GASK1B: variants seen among roughly 807,000 people sequenced by gnomAD.
GASK1B encodes the protein Golgi-associated kinase 1B.
In GASK1B, 34 loss-of-function variants were observed where a neutral mutation model predicts 42.8. The ratio of observed to expected loss-of-function variants is 0.79; its 90% CI spans 0.60 to 1.06. GASK1B has a LOEUF of 1.06. Among genes scored for constraint, GASK1B ranks in the 50% least tolerant of loss-of-function variants. The probability of loss-of-function intolerance (pLI) is 0.00; values close to 1 mark genes in which losing one functional copy is unlikely to be tolerated. For synonymous variants in GASK1B, 262 were observed against 259.1 expected (o/e 1.01, Z -0.11); for missense variants, 686 against 661.0 (o/e 1.04, Z -0.42).
At chr4:158,128,398 G>C (rs1466452670) in intron 4 of GASK1B, among the ~76,000 whole-genome samples, 3 of 152,090 alleles carry the variant, frequency 2.0e-5, no homozygotes, top group Non-Finnish European at 4.4e-5. Flanking sequence ...AGAAAGCCAG[G>C]AGTCCAGCAT....
rs753398139 is a variant in GASK1B at position 158,171,153 on chromosome 4, C to G, written c.223G>C (p.Asp75His). The change falls in exon 2 of 5, where the codon GAC (aspartate) becomes CAC (histidine). Residue 75 changes from aspartate to histidine, a missense_variant. Asp to His is a moderately conservative substitution (Grantham distance 81). Transcript: ENST00000585682. ...AAEKGPHRSR[D>H]TAEPSFPEIP... ...TCAGGGAAGGATGGCTCGGCGGTGTCGCGGCTGCGATGTGGCCCCTTCTCA... is the reference window on the plus strand; with the variant it reads ...TCAGGGAAGGATGGCTCGGCGGTGTGGCGGCTGCGATGTGGCCCCTTCTCA... 1.2e-6 allele frequency: 2 copies of G among 1,607,842 alleles called. No homozygotes were observed. Among genetic ancestry groups the G allele is most frequent in the Non-Finnish European group, 8.5e-7 (1 of 1,175,536 alleles).
In GASK1B at chr4:158,171,147, C is replaced by G. The variant is rs767227601; in HGVS notation, c.229G>C (p.Ala77Pro). 3 of 1,607,598 alleles carry G rather than the reference C, an allele frequency of 1.9e-6. No homozygotes were observed. Among genetic ancestry groups the G allele is most frequent in the Non-Finnish European group, 2.6e-6 (3 of 1,175,402 alleles). ...EKGPHRSRDTAEPSFPEIPLD... is the reference protein window; with the variant it reads ...EKGPHRSRDTPEPSFPEIPLD... ...GGTATCTCAGGGAAGGATGGCTCGG[C>G]GGTGTCGCGGCTGCGATGTGGCCCC... The change falls in exon 2 of 5, where the codon GCC (alanine) becomes CCC (proline). Residue 77 changes from alanine to proline, a missense_variant. Transcript: ENST00000585682.
At chr4:158,170,264 A>T in intron 2 of GASK1B, 1 of 1,614,258 alleles carries the variant, frequency 6.2e-7, no homozygotes, top group Non-Finnish European at 8.5e-7. Context: ...TGTCCAATAC[A>T]GCATTTCCCT....
In GASK1B at chr4:158,170,694, C is replaced by G; in HGVS notation, c.682G>C (p.Ala228Pro). Residue 228 changes from alanine to proline, a missense_variant, in exon 2 of 5, where the codon GCG becomes CCG. Physicochemically the swap from Ala to Pro is conservative, Grantham distance 27 (BLOSUM62 -1). Coordinates refer to ENST00000585682, the MANE Select transcript of GASK1B (RefSeq NM_001128424.2). ...KDDIRRMRLL[A>P]DSAVAGLRPV... ...CGGAGCCCTGCCACTGCGCTGTCCGCCAAGAGTCGCATTCTTCGGATGTCA... is the reference window on the plus strand; with the variant it reads ...CGGAGCCCTGCCACTGCGCTGTCCGGCAAGAGTCGCATTCTTCGGATGTCA... 1 of 1,614,200 alleles carries G rather than the reference C, an allele frequency of 6.2e-7. No individual in the cohort carries two copies. Among genetic ancestry groups the G allele is most frequent in the Non-Finnish European group, 8.5e-7 (1 of 1,180,046 alleles).
intron 1 of GASK1B, among the ~76,000 whole-genome samples, 173 bp from the exon 2 acceptor site, chr4:158,171,772 C>G (rs1732551327): frequency 6.6e-6 from 1 of 152,058 alleles, no homozygotes; most frequent in Non-Finnish European, 1.5e-5. Context: ...ATTTGATAGT[C>G]ACTTGAAAGT....
At chr4:158,134,427 AT>A in intron 3 of GASK1B, among the ~76,000 whole-genome samples, 1 of 152,276 alleles carries the variant, frequency 6.6e-6, no homozygotes, top group South Asian at 2.1e-4. Flanking sequence ...CAAGAAGGCT[AT>A]TTGGGGATAC....
chr4:158,166,228 T>C (rs1020501448), intron 2 of GASK1B, among the ~76,000 whole-genome samples: 1 of 152,296 alleles, frequency 6.6e-6, no homozygotes, highest in Middle Eastern at 3.4e-3. Flanking sequence ...ACAATACCAG[T>C]AAGTCCACTA....
chr4:158,155,502 G>T, intron 3 of GASK1B, 109 bp downstream of exon 3: 7 of 958,808 alleles, frequency 7.3e-6, no homozygotes, highest in Non-Finnish European at 9.4e-6. Flanking sequence ...GCTAATAGAA[G>T]TTATCACCAG....
chr4:158,165,614 T>C (rs959783554), intron 2 of GASK1B, among the ~76,000 whole-genome samples: 1 of 152,198 alleles, frequency 6.6e-6, no homozygotes, highest in African/African-American at 2.4e-5. Context: ...AGAAATTAAA[T>C]AGAAATGTTG....
At chr4:158,133,704 A>G (rs1370809395) in intron 3 of GASK1B, among the ~76,000 whole-genome samples, 1 of 152,210 alleles carries the variant, frequency 6.6e-6, no homozygotes, top group African/African-American at 2.4e-5. Context: ...CTTTTAAAGT[A>G]CTTCGTCTGA....
rs745508916 is a variant in GASK1B at position 158,169,813 on chromosome 4, C to T, written c.910+653G>A. On this transcript the variant is annotated intron_variant, in intron 2 of 4. Coordinates refer to ENST00000585682, the MANE Select transcript of GASK1B (RefSeq NM_001128424.2). ...TAGAACCTGCCAAAATGTTTGTCAC[C>T]CAAGACGGGAGAATCTTGAAAGACA... 142 of 169,502 alleles carry T rather than the reference C, an allele frequency of 8.4e-4. 1 individual carries two copies. Among genetic ancestry groups the T allele is most frequent in the Non-Finnish European group, 1.3e-3 (99 of 78,184 alleles). The allele number at this position is 169,502 out of a possible 1,614,324, so 10.5% of individuals were successfully genotyped here. A position where few individuals can be genotyped will look rare whatever the true frequency, so the allele number is the denominator to read the frequency against.
intron 3 of GASK1B, among the ~76,000 whole-genome samples, chr4:158,143,432 G>A (rs1329273810): frequency 1.3e-5 from 2 of 152,130 alleles, no homozygotes; most frequent in Non-Finnish European, 2.9e-5. Context: ...AAATAGGAAA[G>A]ATAAATTAAG....
In GASK1B at chr4:158,130,291, T is replaced by C. The variant is rs563216984; in HGVS notation, c.1352+495A>G. Reference sequence around the variant, plus strand: ...TCTACAGCCAGCTTTCCTCTGAGACTATGCCTTACTTACCAGATTGGCTGT... The same window carrying C: ...TCTACAGCCAGCTTTCCTCTGAGACCATGCCTTACTTACCAGATTGGCTGT... On this transcript the variant is annotated intron_variant, in intron 4 of 4. Transcript: ENST00000585682. Among the ~76,000 whole-genome samples, 53 of 152,340 alleles carry C rather than the reference T, an allele frequency of 3.5e-4. No individual in the cohort carries two copies. The South Asian group carries it at 7.3e-3, about 21-fold the overall frequency.
At chr4:158,128,030 A>G (rs1291265736) in intron 4 of GASK1B, among the ~76,000 whole-genome samples, 2 of 152,222 alleles carry the variant, frequency 1.3e-5, no homozygotes, top group Non-Finnish European at 2.9e-5. Context: ...AATATGAGAG[A>G]CAAATTGATA....
intron 3 of GASK1B, among the ~76,000 whole-genome samples, chr4:158,134,566 TC>T (rs368837464): frequency 1.2e-4 from 18 of 152,308 alleles, no homozygotes; most frequent in African/African-American, 4.3e-4. Context: ...ATACTGCCAA[TC>T]ACCATTTTCC....
In GASK1B at chr4:158,170,620, GC is replaced by G. The variant is rs762957217; in HGVS notation, c.755del (p.Gly252AlafsTer23). 3.1e-6 allele frequency: 5 copies of G among 1,613,584 alleles called. No individual in the cohort carries two copies. The Admixed American group carries it at 5.0e-5, about 16-fold the overall frequency. ...CACAGCGGAGCACAGCGCCAGGTGC[GC>G]CCCCCTCCAGCACCAGCAAACGGGC... is the stretch of plus-strand genomic sequence containing the variant. ...SGARLLVLEGGAPGAVLRCGP... is the reference protein window; with the variant it reads ...SGARLLVLEGXAPGAVLRCGP... On this transcript the variant is annotated frameshift_variant, in exon 2 of 5. Transcript: ENST00000585682. LOFTEE classifies it high-confidence loss of function.
intron 3 of GASK1B, among the ~76,000 whole-genome samples, chr4:158,150,021 G>A (rs1281139338): frequency 7.3e-6 from 1 of 136,930 alleles, no homozygotes; most frequent in Non-Finnish European, 1.5e-5. Context: ...GCCTCCCCAG[G>A]TTCACGCCAT....
At chr4:158,137,092 C>T (rs1189405477) in intron 3 of GASK1B, among the ~76,000 whole-genome samples, 1 of 152,124 alleles carries the variant, frequency 6.6e-6, no homozygotes, top group Non-Finnish European at 1.5e-5. Flanking sequence ...AAAAATTGAA[C>T]AGGCCAAATA....
At chr4:158,152,754 T>A (rs931633324) in intron 3 of GASK1B, among the ~76,000 whole-genome samples, 1 of 152,114 alleles carries the variant, frequency 6.6e-6, no homozygotes, top group African/African-American at 2.4e-5. Context: ...AAAAACCACA[T>A]GATTATCTCA....
Sources: allele counts gnomAD v4.1 joint callset (sites outside exome capture counted in the v4.1 genomes callset), GRCh38; gene constraint gnomAD v4.1.1; transcripts MANE v1.5; gene names NCBI Gene and HGNC (gene_info 2026-07-23, HGNC 2026-07-21).